The following TSPEAR variants were observed in gnomAD, a reference collection of about 807,000 sequenced individuals.
The protein encoded by TSPEAR is thrombospondin-type laminin G domain and EAR repeat-containing protein.
A neutral mutation model predicts 71.6 loss-of-function variants in TSPEAR; 69 were observed. That is an observed-to-expected ratio of 0.96 (90% CI 0.79 to 1.18). The LOEUF (loss-of-function observed/expected upper bound fraction) is 1.18, where lower values mean the gene tolerates loss of function less well. Ranked by LOEUF, TSPEAR falls within the 50% of genes most tolerant of loss-of-function variation. The pLI is 0.00. For synonymous variants in TSPEAR, 402 were observed against 387.2 expected (o/e 1.04, Z -0.45); for missense variants, 971 against 894.9 (o/e 1.09, Z -1.09).
At position 44,702,475 on chromosome 21, in the gene TSPEAR, C is replaced by A. The variant is rs548422537; in HGVS notation, c.82+8958G>T. 1.1e-5 allele frequency: 17 copies of A among 1,609,210 alleles called. No homozygotes were observed. In the South Asian group the frequency reaches 1.8e-4, roughly 17 times the overall value. On this transcript the variant is annotated intron_variant, in intron 1 of 11. Coordinates refer to ENST00000323084, the MANE Select transcript of TSPEAR (RefSeq NM_144991.3). Reference sequence around the variant, plus strand: ...CCCAAGCCAGCAGTCCTGCTGTGTGCCCGTCTGCTGCAAGCCTGTCTGTTG... The same window carrying A: ...CCCAAGCCAGCAGTCCTGCTGTGTGACCGTCTGCTGCAAGCCTGTCTGTTG...
At position 44,612,831 on chromosome 21, in the gene TSPEAR, C is replaced by T. The variant is rs1555931533; in HGVS notation, c.83-44826G>A. The T allele has an allele frequency of 1.2e-6, 2 of 1,612,900 alleles. No individual in the cohort carries two copies. Among genetic ancestry groups the T allele is most frequent in the Non-Finnish European group, 1.7e-6 (2 of 1,179,798 alleles). ...CAGCCCAGCTGCTGCCACCCGGCCT[C>T]CTGCCTGTCCTTCCTCTGCCGCCCC... is the stretch of plus-strand genomic sequence containing the variant. On this transcript the variant is annotated intron_variant, in intron 1 of 11. Coordinates refer to ENST00000323084, the MANE Select transcript of TSPEAR (RefSeq NM_144991.3). This position sits in a 1 kb window ranked among gnomAD's most constrained non-coding sequence, Gnocchi z 4.1.
At chr21:44,697,929 T>C (rs1987460710) in intron 1 of TSPEAR, 1 of 1,611,542 alleles carries the variant, frequency 6.2e-7, no homozygotes. Flanking sequence ...TGTTCCCGCC[T>C]GGCCTGCTGA....
At chr21:44,538,435 CCA>C (rs561543398) in intron 2 of TSPEAR, among the ~76,000 whole-genome samples, 1,723 of 80,414 alleles carry the variant, frequency 0.021, 31 homozygotes, top group African/African-American at 0.098. Context: ...CCCCCCCCCC[CCA>C]AGAGGAGAAC....
chr21:44,697,619 G>A lies in TSPEAR; in HGVS notation c.82+13814C>T, dbSNP rs572454123. The A allele has an allele frequency of 1.1e-4, 178 of 1,614,006 alleles. No homozygotes were observed. In the Admixed American group the frequency reaches 1.4e-3, roughly 12 times the overall value. Reference sequence around the variant, plus strand: ...CTGCCAGCAGTCTAGCTGCCAGCCAGCTTGCTGCATCTCCTCCCCGTGTCA... The same window carrying A: ...CTGCCAGCAGTCTAGCTGCCAGCCAACTTGCTGCATCTCCTCCCCGTGTCA... On this transcript the variant is annotated intron_variant, in intron 1 of 11. Transcript: ENST00000323084.
At chr21:44,704,437 C>T (rs886129101) in intron 1 of TSPEAR, among the ~76,000 whole-genome samples, 11 of 152,214 alleles carry the variant, frequency 7.2e-5, no homozygotes, top group East Asian at 1.9e-4. Context: ...CCAAACCGTG[C>T]GGGGTGGCCC....
intron 1 of TSPEAR, among the ~76,000 whole-genome samples, chr21:44,609,657 T>C (rs1252013093): frequency 1.3e-5 from 2 of 152,144 alleles, no homozygotes; most frequent in East Asian, 3.8e-4. Context: ...GAGTGGAGCA[T>C]GGGGATGAAT....
intron 2 of TSPEAR, among the ~76,000 whole-genome samples, chr21:44,565,591 C>T (rs2053692270): frequency 6.6e-6 from 1 of 152,110 alleles, no homozygotes; most frequent in Non-Finnish European, 1.5e-5. Context: ...TAACACAACA[C>T]ATCAACAGAA....
intron 1 of TSPEAR, among the ~76,000 whole-genome samples, chr21:44,579,193 C>G (rs587662379): frequency 4.8e-4 from 73 of 152,246 alleles, no homozygotes; most frequent in African/African-American, 1.7e-3. Flanking sequence ...GTGGGTGGGA[C>G]AGTCCTGGGG....
chr21:44,625,747 G>A (rs1982731627), intron 1 of TSPEAR, among the ~76,000 whole-genome samples: 1 of 152,216 alleles, frequency 6.6e-6, no homozygotes, highest in South Asian at 2.1e-4. Context: ...ACCACTGTGG[G>A]GCTCACTGGC....
At chr21:44,689,042 C>T (rs1345002751) in intron 1 of TSPEAR, among the ~76,000 whole-genome samples, 2 of 152,088 alleles carry the variant, frequency 1.3e-5, no homozygotes, top group African/African-American at 4.8e-5. Flanking sequence ...CAGGTGGGGG[C>T]TCCTCCAGCA....
intron 1 of TSPEAR, chr21:44,592,411 C>T: frequency 1.2e-6 from 2 of 1,605,446 alleles, no homozygotes; most frequent in Non-Finnish European, 1.7e-6. Flanking sequence ...GCAAGAGTCA[C>T]AGGAACCAGG....
intron 1 of TSPEAR, among the ~76,000 whole-genome samples, chr21:44,700,933 T>C (rs1987619035): frequency 1.3e-5 from 2 of 152,100 alleles, no homozygotes; most frequent in African/African-American, 4.8e-5. Context: ...TCCAAGGTCG[T>C]GCAAGCCAAG....
At chr21:44,643,910 C>T (rs1468449659) in intron 1 of TSPEAR, among the ~76,000 whole-genome samples, 1 of 152,236 alleles carries the variant, frequency 6.6e-6, no homozygotes, top group Non-Finnish European at 1.5e-5. Context: ...GCTGTCATCG[C>T]GTCTCCAGCA....
intron 1 of TSPEAR, among the ~76,000 whole-genome samples, chr21:44,619,070 C>G (rs1982285732): frequency 6.6e-6 from 1 of 151,636 alleles, no homozygotes; most frequent in Non-Finnish European, 1.5e-5. Flanking sequence ...TCTGAGCAAG[C>G]AGGAAGTGAA....
At chr21:44,600,449 T>C (rs750478101) in intron 1 of TSPEAR, 1 of 785,074 alleles carries the variant, frequency 1.3e-6, no homozygotes, top group Middle Eastern at 3.7e-4. Flanking sequence ...ATAAGCGTTC[T>C]CTAGGTTTTA....
In TSPEAR at chr21:44,662,929, A is replaced by G. The variant is rs587761224; in HGVS notation, c.82+48504T>C. Reference sequence around the variant, plus strand: ...TTTTGAATTAAATACAAATTAAAAGACAACATGTCAAAATATATGGAACAT... The same window carrying G: ...TTTTGAATTAAATACAAATTAAAAGGCAACATGTCAAAATATATGGAACAT... On this transcript the variant is annotated intron_variant, in intron 1 of 11. Coordinates refer to ENST00000323084, the MANE Select transcript of TSPEAR (RefSeq NM_144991.3). Among the ~76,000 whole-genome samples the G allele has an allele frequency of 7.9e-5, 12 of 152,336 alleles. No homozygotes were observed. The South Asian group carries it at 2.5e-3, about 32-fold the overall frequency.
intron 1 of TSPEAR, chr21:44,592,449 G>C (rs145062212): frequency 6.2e-7 from 1 of 1,611,458 alleles, no homozygotes; most frequent in South Asian, 1.1e-5. Context: ...CGTAGCTCAG[G>C]TCGCTGGAGC....
At position 44,525,846 on chromosome 21, in the gene TSPEAR, G is replaced by C. The variant is rs2052844360; in HGVS notation, c.1150-7C>G. 1 of 1,613,960 alleles carries C rather than the reference G, an allele frequency of 6.2e-7. No homozygotes were observed. The highest frequency in any genetic ancestry group is 8.5e-7 in the Non-Finnish European group (1 of 1,179,998). On this transcript the variant is annotated splice_region_variant and splice_polypyrimidine_tract_variant and intron_variant, in intron 7 of 11. Coordinates refer to ENST00000323084, the MANE Select transcript of TSPEAR (RefSeq NM_144991.3). ...TAGCCACTGCCAGGAAGATCTGAAA[G>C]AGAGTAAACCGGGACCACGTGGTTC... is the stretch of plus-strand genomic sequence containing the variant.
At chr21:44,505,768 G>A (rs972538139) in intron 10 of TSPEAR, among the ~76,000 whole-genome samples, 1 of 151,922 alleles carries the variant, frequency 6.6e-6, no homozygotes, top group Non-Finnish European at 1.5e-5. Flanking sequence ...GCCGAGTAAC[G>A]CTCCGCTGTG....
Sources: allele counts gnomAD v4.1 joint callset (sites outside exome capture counted in the v4.1 genomes callset), GRCh38; gene constraint gnomAD v4.1.1; non-coding constraint Gnocchi (gnomAD v3.1); transcripts MANE v1.5; gene names NCBI Gene and HGNC (gene_info 2026-07-23, HGNC 2026-07-21).